The following AFF3 variants were observed in gnomAD, a reference collection of about 807,000 sequenced individuals.
The protein encoded by AFF3 is ALF transcription elongation factor 3.
AFF3 carries 32 observed loss-of-function variants against 129.7 expected under a neutral mutation model. The ratio of observed to expected loss-of-function variants is 0.25; its 90% confidence interval spans 0.19 to 0.33. The LOEUF (loss-of-function observed/expected upper bound fraction) is 0.33, where lower values mean the gene tolerates loss of function less well. Among genes scored for constraint, AFF3 ranks in the 10% least tolerant of loss-of-function variants. The pLI is 1.00. For missense variants in AFF3, 1,373 were observed against 1,592.0 expected (o/e 0.86, Z 2.34); for synonymous variants, 644 against 635.4 (o/e 1.01, Z -0.20).
At chr2:99,700,123 CTTTT>C (rs34691450) in intron 11 of AFF3, among the ~76,000 whole-genome samples, 2 of 143,988 alleles carry the variant, frequency 1.4e-5, no homozygotes. Flanking sequence ...TCAAAGCCTC[CTTTT>C]TTTTTTTTTT....
intron 12 of AFF3, among the ~76,000 whole-genome samples, chr2:99,662,675 A>G (rs563259813): frequency 6.6e-6 from 1 of 152,326 alleles, no homozygotes; most frequent in African/African-American, 2.4e-5. Flanking sequence ...TTTGCCTACA[A>G]ATAACATTGA....
At chr2:100,076,746 G>A (rs559346589) in intron 4 of AFF3, among the ~76,000 whole-genome samples, 6 of 152,148 alleles carry the variant, frequency 3.9e-5, no homozygotes, top group Non-Finnish European at 8.8e-5. Context: ...AAAGCTGAAA[G>A]TCTCTCATTA....
intron 8 of AFF3, among the ~76,000 whole-genome samples, chr2:99,757,366 T>C (rs1455721237): frequency 6.6e-6 from 1 of 152,232 alleles, no homozygotes; most frequent in Non-Finnish European, 1.5e-5. Context: ...TGCTGGTTAA[T>C]GGCAGCAACA....
chr2:100,054,347 C>A (rs1176611410), intron 4 of AFF3, among the ~76,000 whole-genome samples: 2 of 152,236 alleles, frequency 1.3e-5, no homozygotes, highest in South Asian at 4.1e-4. Flanking sequence ...ATAGAAGTAA[C>A]ATTTCAATCT....
chr2:99,755,804 C>T (rs565786078), intron 8 of AFF3, among the ~76,000 whole-genome samples: 22 of 152,302 alleles, frequency 1.4e-4, no homozygotes, highest in South Asian at 4.1e-4. Flanking sequence ...ATTTCTCATC[C>T]GGTAAAAATC....
chr2:100,046,232 C>G (rs943800003), intron 4 of AFF3, among the ~76,000 whole-genome samples: 14 of 152,112 alleles, frequency 9.2e-5, no homozygotes, highest in African/African-American at 2.9e-4. Context: ...TATCCTATAC[C>G]TACTCTATAG....
chr2:100,120,861 C>T (rs570321276), intron 2 of AFF3, among the ~76,000 whole-genome samples: 1 of 152,262 alleles, frequency 6.6e-6, no homozygotes, highest in South Asian at 2.1e-4. Flanking sequence ...TGGTCTCAAA[C>T]TTCTGGCCTC....
At chr2:99,791,387 T>C (rs1239483621) in intron 8 of AFF3, among the ~76,000 whole-genome samples, 2 of 152,216 alleles carry the variant, frequency 1.3e-5, no homozygotes, top group Non-Finnish European at 2.9e-5. Flanking sequence ...ACACCTAATG[T>C]CATGTAAATA....
intron 8 of AFF3, among the ~76,000 whole-genome samples, chr2:99,777,952 A>AC (rs1684058469): frequency 6.7e-6 from 1 of 150,122 alleles, no homozygotes; most frequent in Non-Finnish European, 1.5e-5. Context: ...AAAAGCAAAA[A>AC]AAAAAAAAAA....
At position 99,601,621 on chromosome 2, in the gene AFF3, G is replaced by A. The variant is rs749008976; in HGVS notation, c.1185C>T (p.Ser395=). 4 of 1,589,898 alleles carry A rather than the reference G, an allele frequency of 2.5e-6. No homozygotes were observed. The highest frequency in any genetic ancestry group is 2.2e-5 in the East Asian group (1 of 44,542). ...TGCAGTTGGGCTGCTGGACCACGGC[G>A]CTGCCAGCCCGCGAGGCCCCCGGGA... ...QRTALRALSD[S]AVVQQPNCRT... is the part of the protein sequence containing the mutation. The change falls in exon 14 of 25, where the codon AGC becomes AGT. Residue 395 remains serine (S), a splice_region_variant and synonymous_variant. Transcript: ENST00000672756.
At chr2:100,135,119 G>A (rs1692582836) in intron 1 of AFF3, among the ~76,000 whole-genome samples, 2 of 152,230 alleles carry the variant, frequency 1.3e-5, no homozygotes, top group South Asian at 4.1e-4. Flanking sequence ...GAGAGCACCA[G>A]AACAGTTCAG....
intron 8 of AFF3, among the ~76,000 whole-genome samples, chr2:99,802,650 G>A (rs931551645): frequency 1.3e-5 from 2 of 151,524 alleles, no homozygotes; most frequent in Admixed American, 1.3e-4. Context: ...CCAATAAAGT[G>A]AGACTCTGTC....
intron 13 of AFF3, among the ~76,000 whole-genome samples, chr2:99,629,136 G>A (rs1287351218): frequency 6.6e-6 from 1 of 152,184 alleles, no homozygotes; most frequent in African/African-American, 2.4e-5. Context: ...GGGATTACAA[G>A]TGTGAGCCAC....
chr2:99,762,927 AC>A (rs1682733956), intron 8 of AFF3, among the ~76,000 whole-genome samples: 1 of 152,262 alleles, frequency 6.6e-6, no homozygotes, highest in African/African-American at 2.4e-5. Context: ...AGTTCTTCTC[AC>A]ACGTATTATT....
intron 7 of AFF3, among the ~76,000 whole-genome samples, chr2:99,840,426 T>C (rs1440623519): frequency 6.6e-6 from 1 of 152,248 alleles, no homozygotes; most frequent in Non-Finnish European, 1.5e-5. Flanking sequence ...TGCTTCATTC[T>C]AGTCTCATCA....
rs61660336 is a variant in AFF3, at chr2:99,916,039, A to T, written c.874-78515T>A. 2.5e-3 allele frequency among the ~76,000 whole-genome samples: 388 copies of T among 152,342 alleles called. 3 individuals are homozygous for T. Among genetic ancestry groups the T allele is most frequent in the African/African-American group, 8.8e-3 (365 of 41,580 alleles). ...ACTTATCAAAGGAACCTAAAGAGAC[A>T]ATCTGAACTAGATGGATCTTTTCTC... On this transcript the variant is annotated intron_variant, in intron 7 of 24. Coordinates refer to ENST00000672756, the MANE Select transcript of AFF3 (RefSeq NM_001386135.1).
At chr2:99,844,226 A>T (rs991754915) in intron 7 of AFF3, among the ~76,000 whole-genome samples, 4 of 152,024 alleles carry the variant, frequency 2.6e-5, no homozygotes, top group Non-Finnish European at 5.9e-5. Flanking sequence ...CATTAATTTT[A>T]AAAAAATTAT....
At chr2:99,688,344 T>C (rs538133869) in intron 11 of AFF3, among the ~76,000 whole-genome samples, 166 of 152,336 alleles carry the variant, frequency 1.1e-3, no homozygotes, top group Non-Finnish European at 2.0e-3. Flanking sequence ...TATCATTACC[T>C]GTGCAAAGTG....
At chr2:99,925,985 C>A (rs1206885027) in intron 7 of AFF3, among the ~76,000 whole-genome samples, 1 of 152,174 alleles carries the variant, frequency 6.6e-6, no homozygotes, top group Non-Finnish European at 1.5e-5. Context: ...GTAGTCTTTG[C>A]AGGCATTTTG....
Sources: gnomAD v4.1 joint callset for allele counts (sites outside exome capture counted in the v4.1 genomes callset) on GRCh38, gnomAD v4.1.1 for gene constraint, MANE v1.5 for transcripts, NCBI Gene and HGNC (gene_info 2026-07-23, HGNC 2026-07-21) for gene names.